The following KIF26B variants were observed in gnomAD, a reference collection of about 807,000 sequenced individuals.
The protein encoded by KIF26B is kinesin-like protein KIF26B.
A neutral mutation model predicts 151.2 loss-of-function variants in KIF26B; 63 were observed. The observed-to-expected ratio is 0.42, with a 90% CI of 0.34 to 0.51. The LOEUF is 0.51. Ranked by LOEUF, KIF26B falls within the 20% of genes least tolerant of loss-of-function variation. The pLI, the probability that KIF26B is intolerant of heterozygous loss-of-function variation, is 0.07. For missense variants in KIF26B, 2,813 were observed against 2,913.6 expected (o/e 0.97, Z 0.79); for synonymous variants, 1,357 against 1,262.1 (o/e 1.08, Z -1.59).
intron 4 of KIF26B, among the ~76,000 whole-genome samples, chr1:245,493,359 G>T (rs1660447801): frequency 6.6e-6 from 1 of 152,178 alleles, no homozygotes; most frequent in African/African-American, 2.4e-5. Context: ...TTGATTAATT[G>T]GGCTTGCTGG....
chr1:245,586,755 G>A (rs1016937269), intron 5 of KIF26B, among the ~76,000 whole-genome samples: 2 of 148,474 alleles, frequency 1.3e-5, no homozygotes, highest in Admixed American at 6.6e-5. Flanking sequence ...GCGCGGTGGC[G>A]GGCGCCTGTA....
intron 14 of KIF26B, 63 bp downstream of exon 14, chr1:245,699,100 G>T: frequency 2.6e-6 from 4 of 1,523,552 alleles, no homozygotes; most frequent in Non-Finnish European, 3.6e-6. Flanking sequence ...CCGGGCTGGC[G>T]TGTAGCCCAG....
At chr1:245,629,217 A>C (rs1371948619) in intron 9 of KIF26B, among the ~76,000 whole-genome samples, 1 of 152,220 alleles carries the variant, frequency 6.6e-6, no homozygotes, top group African/African-American at 2.4e-5. Context: ...AACTACACTG[A>C]CAGTCTTCAC....
At position 245,602,463 on chromosome 1, in the gene KIF26B, C is replaced by T. The variant is rs2043406495; in HGVS notation, c.1351-114C>T. On this transcript the variant is annotated intron_variant, in intron 5 of 14. Transcript: ENST00000407071. This position sits in a 1 kb window ranked among gnomAD's most constrained non-coding sequence, Gnocchi z 4.5. ...CACTGTGCATTTCATCATAATTTAT[C>T]CTGAGAAAGTTCAGTGCTGCCATGT... The T allele has an allele frequency of 1.3e-6, 1 of 759,494 alleles. No homozygotes were observed. Among genetic ancestry groups the T allele is most frequent in the South Asian group, 1.7e-5 (1 of 60,150 alleles). The allele number at this position is 759,494 out of a possible 1,614,324, so 47.0% of individuals were successfully genotyped here.
chr1:245,600,232 G>A (rs1371743408), intron 5 of KIF26B, among the ~76,000 whole-genome samples: 1 of 122,962 alleles, frequency 8.1e-6, no homozygotes, highest in African/African-American at 3.0e-5. Context: ...TAGAGACGGG[G>A]TTTCACCGTG....
At chr1:245,443,019 G>C (rs1274954712) in intron 4 of KIF26B, among the ~76,000 whole-genome samples, 9 of 46,756 alleles carry the variant, frequency 1.9e-4, no homozygotes, top group African/African-American at 8.0e-4. Flanking sequence ...TGTTCACCTA[G>C]AGCGGTCATC....
chr1:245,478,637 C>A (rs1660095187), intron 4 of KIF26B, among the ~76,000 whole-genome samples: 1 of 151,578 alleles, frequency 6.6e-6, no homozygotes, highest in Admixed American at 6.6e-5. Flanking sequence ...AGGATGGTCT[C>A]GATCTCCTGA....
rs1209469911 is a variant in KIF26B, at chr1:245,688,692, G to C, written c.5709G>C (p.Arg1903=). Reference sequence around the variant, plus strand: ...GCAGCGGCTACGAGAGCGTGATGCGGGACAGCGAGGCCACCGGCAGCGCGT... The same window carrying C: ...GCAGCGGCTACGAGAGCGTGATGCGCGACAGCGAGGCCACCGGCAGCGCGT... ...GGSSGYESVM[R]DSEATGSASS... The change falls in exon 12 of 15, where the codon CGG becomes CGC. Residue 1903 remains arginine, a synonymous_variant. Coordinates refer to ENST00000407071, the MANE Select transcript of KIF26B (RefSeq NM_018012.4). 6.2e-7 allele frequency: 1 copy of C among 1,606,480 alleles called. No homozygotes were observed. Among genetic ancestry groups the C allele is most frequent in the Non-Finnish European group, 8.5e-7 (1 of 1,177,552 alleles).
intron 4 of KIF26B, among the ~76,000 whole-genome samples, chr1:245,491,517 G>A (rs1660409042): frequency 6.6e-6 from 1 of 152,204 alleles, no homozygotes; most frequent in Non-Finnish European, 1.5e-5. Context: ...AAACCTTGGG[G>A]AATGTTCCCG....
intron 5 of KIF26B, among the ~76,000 whole-genome samples, chr1:245,570,137 C>A (rs954725506): frequency 6.6e-6 from 1 of 151,752 alleles, no homozygotes; most frequent in Non-Finnish European, 1.5e-5. Context: ...GGGGTTTCAT[C>A]GTGTTAGCCA....
At chr1:245,455,577 A>G (rs1236816571) in intron 4 of KIF26B, among the ~76,000 whole-genome samples, 2 of 152,232 alleles carry the variant, frequency 1.3e-5, no homozygotes, top group South Asian at 2.1e-4. Context: ...CAGTTTCAGT[A>G]TAAGCAAATG....
At position 245,375,965 on chromosome 1, in the gene KIF26B, A is replaced by G. The variant is rs1673263467; in HGVS notation, c.999+8598A>G. On this transcript the variant is annotated intron_variant, in intron 3 of 14. Coordinates refer to ENST00000407071, the MANE Select transcript of KIF26B (RefSeq NM_018012.4). The surrounding 1 kb of genome is among the most constrained non-coding windows in gnomAD (Gnocchi z 4.2). ...GTTTGCGATTGTCTCAGATTTCCCT[A>G]TTGTTATAGAATCATAATAAGTAGC... Among the ~76,000 whole-genome samples, 1 of 152,094 alleles carries G rather than the reference A, an allele frequency of 6.6e-6. No individual in the cohort carries two copies. The highest frequency in any genetic ancestry group is 2.4e-5 in the African/African-American group (1 of 41,400).
intron 3 of KIF26B, among the ~76,000 whole-genome samples, chr1:245,398,370 T>C (rs1673911265): frequency 6.6e-6 from 1 of 152,146 alleles, no homozygotes; most frequent in South Asian, 2.1e-4. Context: ...TCATGGAGCC[T>C]GTGGTTATCT....
At chr1:245,553,117 G>A (rs900504274) in intron 5 of KIF26B, among the ~76,000 whole-genome samples, 3 of 152,158 alleles carry the variant, frequency 2.0e-5, no homozygotes, top group African/African-American at 7.2e-5. Context: ...CATTCATCTT[G>A]TGCCAAGCAC....
At chr1:245,274,920 A>C (rs1241694671) in intron 2 of KIF26B, among the ~76,000 whole-genome samples, 1 of 152,182 alleles carries the variant, frequency 6.6e-6, no homozygotes, top group Non-Finnish European at 1.5e-5. Context: ...AAAATGGTTG[A>C]ACTAATTTAC....
intron 2 of KIF26B, among the ~76,000 whole-genome samples, chr1:245,322,783 G>A (rs4658751): frequency 6.6e-6 from 1 of 152,012 alleles, no homozygotes; most frequent in Non-Finnish European, 1.5e-5. Flanking sequence ...GCAGAGCAAA[G>A]TTGTTAAAAA....
intron 12 of KIF26B, among the ~76,000 whole-genome samples, chr1:245,697,561 T>C (rs2044710971): frequency 6.6e-6 from 1 of 152,138 alleles, no homozygotes; most frequent in Non-Finnish European, 1.5e-5. Flanking sequence ...AGGTGGAAAC[T>C]AGGAGGCGGT....
chr1:245,628,074 C>T (rs151297601), intron 9 of KIF26B, among the ~76,000 whole-genome samples: 4,002 of 152,296 alleles, frequency 0.026, 195 homozygotes, highest in African/African-American at 0.091. Flanking sequence ...TAGTACCATT[C>T]CTTCTGAAAC....
intron 2 of KIF26B, among the ~76,000 whole-genome samples, chr1:245,217,790 C>T (rs1229192149): frequency 6.6e-6 from 1 of 152,184 alleles, no homozygotes. Context: ...CTCCATCTTT[C>T]AGACGAGGAA....
Sources: allele counts gnomAD v4.1 joint callset (sites outside exome capture counted in the v4.1 genomes callset), GRCh38; gene constraint gnomAD v4.1.1; non-coding constraint Gnocchi (gnomAD v3.1); transcripts MANE v1.5; gene names NCBI Gene and HGNC (gene_info 2026-07-23, HGNC 2026-07-21).